KCNMA1: variants seen among roughly 807,000 people sequenced by gnomAD.
The protein encoded by KCNMA1 is Calcium-activated potassium channel subunit alpha-1.
Under a neutral mutation model 140.0 loss-of-function variants are expected in KCNMA1, and 29 were observed. The observed-to-expected ratio is 0.21, with a 90% CI of 0.15 to 0.28. The LOEUF (loss-of-function observed/expected upper bound fraction) is 0.28, where lower values mean the gene tolerates loss of function less well. Ranked by LOEUF, KCNMA1 falls within the 10% of genes least tolerant of loss-of-function variation. KCNMA1 has a pLI of 1.00. For synonymous variants in KCNMA1, 612 were observed against 611.9 expected, an observed-to-expected ratio of 1.00 and a Z score of 0.00; for missense variants, 880 against 1,602.2, an observed-to-expected ratio of 0.55 and a Z score of 7.70.
intron 14 of KCNMA1, among the ~76,000 whole-genome samples, chr10:77,043,054 T>A (rs904738498): frequency 6.6e-6 from 1 of 152,236 alleles, no homozygotes; most frequent in African/African-American, 2.4e-5. Context: ...CAAGTTTGCC[T>A]CTGTGGCTAA....
intron 3 of KCNMA1, among the ~76,000 whole-genome samples, chr10:77,231,843 C>A (rs541710381): frequency 4.5e-4 from 69 of 152,324 alleles, no homozygotes; most frequent in African/African-American, 1.6e-3. Context: ...CTACACCATA[C>A]AATTCACCCA....
At chr10:77,384,362 G>A in intron 2 of KCNMA1, among the ~76,000 whole-genome samples, 1 of 152,206 alleles carries the variant, frequency 6.6e-6, no homozygotes, top group East Asian at 1.9e-4. Context: ...GCAAGCCGTG[G>A]TTGCCATGGA....
chr10:77,155,839 A>G (rs1018349427), intron 5 of KCNMA1, among the ~76,000 whole-genome samples: 1 of 152,180 alleles, frequency 6.6e-6, no homozygotes, highest in Non-Finnish European at 1.5e-5. Flanking sequence ...AAACAATTAC[A>G]TAACTAAGAA....
At chr10:77,522,317 G>T (rs947176336) in intron 1 of KCNMA1, among the ~76,000 whole-genome samples, 1 of 152,068 alleles carries the variant, frequency 6.6e-6, no homozygotes, top group Non-Finnish European at 1.5e-5. Context: ...CTGCAATGGG[G>T]CCTGAGATGT....
intron 1 of KCNMA1, among the ~76,000 whole-genome samples, chr10:77,516,733 C>T (rs749890547): frequency 8.6e-5 from 13 of 151,836 alleles, no homozygotes; most frequent in Non-Finnish European, 1.8e-4. Flanking sequence ...GTCTGGGCTC[C>T]GGCTCCGGTG....
intron 1 of KCNMA1, among the ~76,000 whole-genome samples, chr10:77,520,269 CT>C (rs2052829788): frequency 8.9e-5 from 1 of 11,250 alleles, no homozygotes; most frequent in Non-Finnish European, 1.9e-4. Context: ...AGTGTGAGGT[CT>C]GGGATATGTG....
downstream of KCNMA1, chr10:76,876,747 T>C (rs975789224): frequency 6.6e-5 from 10 of 152,164 alleles, no homozygotes; most frequent in African/African-American, 1.9e-4. Context: ...CCCTCTCACA[T>C]CCTATGGTAA....
chr10:76,887,737 G>A (rs2037814612), intron 27 of KCNMA1: 1 of 579,382 alleles, frequency 1.7e-6, no homozygotes, highest in African/African-American at 1.9e-5. Context: ...AGGCAGAGAT[G>A]TGGAATTAGA....
intron 2 of KCNMA1, among the ~76,000 whole-genome samples, chr10:77,325,513 C>T (rs531285464): frequency 1.3e-5 from 2 of 152,288 alleles, no homozygotes; most frequent in South Asian, 2.1e-4. Context: ...CACATGTTCT[C>T]CGTGTACTTA....
intron 1 of KCNMA1, among the ~76,000 whole-genome samples, chr10:77,596,315 C>T (rs2080926211): frequency 6.6e-6 from 1 of 152,164 alleles, no homozygotes; most frequent in Admixed American, 6.5e-5. Context: ...CCTTTCAATT[C>T]AGCAATTCCA....
intron 1 of KCNMA1, among the ~76,000 whole-genome samples, chr10:77,507,688 T>C (rs1444513468): frequency 6.6e-6 from 1 of 152,184 alleles, no homozygotes; most frequent in Admixed American, 6.5e-5. Context: ...TGTTTTTCTC[T>C]GCATCCCCTG....
intron 5 of KCNMA1, among the ~76,000 whole-genome samples, chr10:77,181,600 C>A (rs2098803085): frequency 6.6e-6 from 1 of 152,112 alleles, no homozygotes; most frequent in Admixed American, 6.6e-5. Context: ...AATTGAGCTC[C>A]CAGGTCACAA....
intron 5 of KCNMA1, among the ~76,000 whole-genome samples, chr10:77,136,211 CA>C (rs891823149): frequency 6.6e-6 from 1 of 152,064 alleles, no homozygotes; most frequent in Non-Finnish European, 1.5e-5. Context: ...ATGCTCATTG[CA>C]AAATTGTTCA....
intron 1 of KCNMA1, among the ~76,000 whole-genome samples, chr10:77,410,868 C>T (rs1211227225): frequency 6.6e-6 from 1 of 152,268 alleles, no homozygotes; most frequent in African/African-American, 2.4e-5. Context: ...TGTCCATGAG[C>T]TCTCCACCTC....
At chr10:77,528,608 CAAA>C (rs376809211) in intron 1 of KCNMA1, among the ~76,000 whole-genome samples, 6 of 92,002 alleles carry the variant, frequency 6.5e-5, no homozygotes, top group Non-Finnish European at 1.1e-4. Context: ...GAGCCCATCT[CAAA>C]AAAAAAAAAA....
chr10:76,933,631 G>A (rs1018922811), intron 23 of KCNMA1, among the ~76,000 whole-genome samples: 1 of 152,108 alleles, frequency 6.6e-6, no homozygotes, highest in Non-Finnish European at 1.5e-5. Flanking sequence ...TCAAATTCTG[G>A]TCCCTTTACT....
intron 3 of KCNMA1, among the ~76,000 whole-genome samples, chr10:77,192,102 T>C (rs1343223606): frequency 1.3e-5 from 2 of 152,162 alleles, no homozygotes; most frequent in African/African-American, 4.8e-5. Flanking sequence ...TGATAGCAGT[T>C]GACTTCAGAG....
intron 5 of KCNMA1, among the ~76,000 whole-genome samples, chr10:77,130,857 T>C (rs11002029): frequency 0.018 from 2,781 of 152,212 alleles, 45 homozygotes; most frequent in South Asian, 0.04. Flanking sequence ...TATATTTCCA[T>C]AATGAGAAAG....
At chr10:77,232,095 T>C (rs898748913) in intron 3 of KCNMA1, among the ~76,000 whole-genome samples, 12 of 152,238 alleles carry the variant, frequency 7.9e-5, no homozygotes, top group African/African-American at 2.9e-4. Flanking sequence ...TACACATATG[T>C]TGTGGCATGT....
Sources: allele counts gnomAD v4.1 joint callset (sites outside exome capture counted in the v4.1 genomes callset), GRCh38; gene constraint gnomAD v4.1.1; transcripts MANE v1.5; gene names NCBI Gene and HGNC (gene_info 2026-07-23, HGNC 2026-07-21).